The following TTC28 variants were observed in gnomAD, a reference collection of about 807,000 sequenced individuals.
TTC28 encodes tetratricopeptide repeat domain 28.
A neutral mutation model predicts 198.0 loss-of-function variants in TTC28; 61 were observed. The ratio of observed to expected loss-of-function variants is 0.31; its 90% confidence interval spans 0.25 to 0.38. The LOEUF is 0.38. TTC28 is among the 10% of genes least tolerant of loss of function. The pLI is 1.00. For missense variants in TTC28, 2,678 were observed against 3,164.0 expected (o/e 0.85, Z 3.69); for synonymous variants, 1,171 against 1,297.8 (o/e 0.90, Z 2.10).
At chr22:28,637,754 T>C (rs571763994) in intron 1 of TTC28, among the ~76,000 whole-genome samples, 1 of 150,696 alleles carries the variant, frequency 6.6e-6, no homozygotes, top group Non-Finnish European at 1.5e-5. Flanking sequence ...AATTTTTAAA[T>C]TAAAAAAAAA....
At chr22:28,321,681 A>G (rs984693485) in intron 2 of TTC28, among the ~76,000 whole-genome samples, 2 of 152,242 alleles carry the variant, frequency 1.3e-5, no homozygotes, top group Non-Finnish European at 2.9e-5. Flanking sequence ...AGTACAGAGT[A>G]GCTATCCCAC....
chr22:28,264,825 C>T (rs1601549616), intron 5 of TTC28, among the ~76,000 whole-genome samples: 1 of 152,014 alleles, frequency 6.6e-6, no homozygotes, highest in Non-Finnish European at 1.5e-5. Context: ...CTGAAGACTG[C>T]GATATGAGTG....
chr22:28,509,442 T>C (rs1228225861), intron 2 of TTC28, among the ~76,000 whole-genome samples: 2 of 152,090 alleles, frequency 1.3e-5, no homozygotes, highest in Non-Finnish European at 2.9e-5. Context: ...CTTGGATAAA[T>C]AATGAAACTA....
intron 6 of TTC28, among the ~76,000 whole-genome samples, chr22:28,116,941 A>G (rs2146928503): frequency 6.6e-6 from 1 of 152,232 alleles, no homozygotes; most frequent in African/African-American, 2.4e-5. Flanking sequence ...TGAGTATCCT[A>G]TTCACTTGGC....
chr22:28,286,135 A>G (rs978142635), intron 5 of TTC28, among the ~76,000 whole-genome samples: 13 of 151,994 alleles, frequency 8.6e-5, no homozygotes, highest in African/African-American at 2.9e-4. Flanking sequence ...GAGGTTCAAG[A>G]TTATTAAGTA....
chr22:28,163,806 T>C (rs1267223263), intron 5 of TTC28, among the ~76,000 whole-genome samples: 2 of 152,178 alleles, frequency 1.3e-5, no homozygotes, highest in Non-Finnish European at 2.9e-5. Context: ...TGCCGGACAG[T>C]GGGTGCAGCG....
At chr22:28,255,064 C>T (rs1371813670) in intron 5 of TTC28, among the ~76,000 whole-genome samples, 2 of 152,066 alleles carry the variant, frequency 1.3e-5, no homozygotes, top group Non-Finnish European at 2.9e-5. Flanking sequence ...AAGAACAAGT[C>T]CTCAACTGGT....
At chr22:28,121,050 TCA>T (rs1942772863) in intron 6 of TTC28, among the ~76,000 whole-genome samples, 1 of 152,234 alleles carries the variant, frequency 6.6e-6, no homozygotes, top group African/African-American at 2.4e-5. Context: ...TTTACTGCTT[TCA>T]GTTTTTCTTC....
At chr22:28,158,096 T>C (rs1405226799) in intron 6 of TTC28, among the ~76,000 whole-genome samples, 1 of 151,544 alleles carries the variant, frequency 6.6e-6, no homozygotes, top group Non-Finnish European at 1.5e-5. Flanking sequence ...CATACAAAAA[T>C]CAGCAGCATT....
intron 6 of TTC28, among the ~76,000 whole-genome samples, chr22:28,145,696 A>G (rs748943899): frequency 6.6e-6 from 1 of 152,242 alleles, no homozygotes; most frequent in African/African-American, 2.4e-5. Flanking sequence ...ATTGTGAAGG[A>G]TAAGAAATGT....
chr22:28,341,641 A>G (rs1336136345), intron 2 of TTC28, among the ~76,000 whole-genome samples: 1 of 151,848 alleles, frequency 6.6e-6, no homozygotes, highest in Admixed American at 6.6e-5. Context: ...AAAATACAAA[A>G]ATTAGCGGGG....
chr22:28,273,048 G>A (rs1430896531), intron 5 of TTC28, among the ~76,000 whole-genome samples: 2 of 152,174 alleles, frequency 1.3e-5, no homozygotes, highest in Non-Finnish European at 2.9e-5. Flanking sequence ...TTAAAGCTGG[G>A]ACAATTAAAG....
At chr22:28,331,413 C>G (rs2045614860) in intron 2 of TTC28, among the ~76,000 whole-genome samples, 1 of 152,068 alleles carries the variant, frequency 6.6e-6, no homozygotes, top group East Asian at 1.9e-4. Context: ...AGAAACAATG[C>G]CTTTTCATCT....
At chr22:28,618,615 C>G (rs8142681) in intron 2 of TTC28, among the ~76,000 whole-genome samples, 23,396 of 145,176 alleles carry the variant, frequency 0.16, 2,040 homozygotes, top group African/African-American at 0.21. Context: ...CTGGGAAGCA[C>G]AGGTTGCAGT....
chr22:28,186,824 G>A (rs28720063), intron 5 of TTC28, among the ~76,000 whole-genome samples: 6,035 of 152,246 alleles, frequency 0.04, 201 homozygotes, highest in East Asian at 0.13. Context: ...CAGAGGTGAG[G>A]TGCTGAGTGA....
At chr22:28,503,151 T>C (rs551074844) in intron 2 of TTC28, among the ~76,000 whole-genome samples, 204 of 152,160 alleles carry the variant, frequency 1.3e-3, no homozygotes, top group African/African-American at 4.7e-3. Context: ...AATATGCCTT[T>C]CCCCTCAAGC....
chr22:27,981,230 A>ATTTTTTTTTTTTTTTT lies in TTC28; in HGVS notation c.*975_*990dup, dbSNP rs138635. 6 of 48,220 alleles carry ATTTTTTTTTTTTTTTT rather than the reference A, an allele frequency of 1.2e-4. 2 individuals carry two copies. Among genetic ancestry groups the ATTTTTTTTTTTTTTTT allele is most frequent in the Non-Finnish European group, 1.3e-4 (3 of 23,836 alleles). The allele number at this position is 48,220 out of a possible 1,614,324, so 3.0% of individuals were successfully genotyped here. A position where few individuals can be genotyped will look rare whatever the true frequency, so the allele number is the denominator to read the frequency against. ...TGGTTAAATCTAGTTAGCCATGGAA[A>ATTTTTTTTTTTTTTTT]TTTTTTTTTTTTTTTTTTTTTTTTT... is the stretch of plus-strand genomic sequence containing the variant. On this transcript the variant is annotated 3_prime_UTR_variant, in exon 23 of 23. Transcript: ENST00000397906.
intron 5 of TTC28, among the ~76,000 whole-genome samples, chr22:28,166,842 T>C (rs902663400): frequency 1.1e-4 from 17 of 151,898 alleles, no homozygotes; most frequent in African/African-American, 3.1e-4. Context: ...CTGAAGGAGA[T>C]AGAGACACAA....
rs968600906 is a variant in TTC28, at chr22:28,410,492, A to C, written c.382-103849T>G. 8.9e-4 allele frequency among the ~76,000 whole-genome samples: 135 copies of C among 152,248 alleles called. 2 individuals carry two copies. The highest frequency in any genetic ancestry group is 2.1e-4 in the Non-Finnish European group (14 of 68,042). On this transcript the variant is annotated intron_variant, in intron 2 of 22. Coordinates refer to ENST00000397906, the MANE Select transcript of TTC28 (RefSeq NM_001145418.2). ...ACATGCTAAATAATGAATAAAAATA[A>C]GTTATGGAACTGTAGCAAATATTTC...
Sources: allele counts gnomAD v4.1 joint callset (sites outside exome capture counted in the v4.1 genomes callset), GRCh38; gene constraint gnomAD v4.1.1; transcripts MANE v1.5; gene names NCBI Gene and HGNC (gene_info 2026-07-23, HGNC 2026-07-21).